The following NRG3 variants were observed in gnomAD, a reference collection of about 807,000 sequenced individuals.
The protein encoded by NRG3 is pro-neuregulin-3, membrane-bound isoform.
NRG3 carries 31 observed loss-of-function variants against 66.9 expected under a neutral mutation model. That is an observed-to-expected ratio of 0.46 (90% CI 0.35 to 0.63). The LOEUF is 0.63. NRG3 is among the 20% of genes least tolerant of loss of function. The pLI, the probability that NRG3 is intolerant of heterozygous loss-of-function variation, is 0.00. For synonymous variants in NRG3, 393 were observed against 359.4 expected (o/e 1.09, Z -1.06); for missense variants, 910 against 878.9 (o/e 1.04, Z -0.45).
At position 82,126,803 on chromosome 10, in the gene NRG3, A is replaced by G. The variant is rs114607161; in HGVS notation, c.824-231936A>G. 6.2e-3 allele frequency among the ~76,000 whole-genome samples: 945 copies of G among 152,114 alleles called. 9 individuals are homozygous for G. The highest frequency in any genetic ancestry group is 0.021 in the African/African-American group (864 of 41,526). On this transcript the variant is annotated intron_variant, in intron 1 of 8. Coordinates refer to ENST00000372141, the MANE Select transcript of NRG3 (RefSeq NM_001010848.4). ...CTGCAACCTGCGTAAGTTCTTTGCA[A>G]ATGATTGGTGTTATCATAAGTGCTA...
intron 2 of NRG3, among the ~76,000 whole-genome samples, chr10:82,393,018 C>T (rs970683391): frequency 7.0e-6 from 1 of 143,102 alleles, no homozygotes; most frequent in African/African-American, 2.9e-5. Context: ...AGGAGTAGCT[C>T]ACCTTTCTGC....
intron 1 of NRG3, among the ~76,000 whole-genome samples, chr10:82,168,434 G>T (rs541982415): frequency 6.6e-6 from 1 of 152,282 alleles, no homozygotes; most frequent in African/African-American, 2.4e-5. Flanking sequence ...TTCTACAGAT[G>T]TGAAATACAC....
At chr10:82,735,309 A>T (rs539762800) in intron 2 of NRG3, among the ~76,000 whole-genome samples, 1 of 152,182 alleles carries the variant, frequency 6.6e-6, no homozygotes, top group African/African-American at 2.4e-5. Flanking sequence ...ACTGGGGAAC[A>T]TTGAGATTTT....
chr10:82,433,498 G>T (rs2089951799), intron 2 of NRG3, among the ~76,000 whole-genome samples: 1 of 152,164 alleles, frequency 6.6e-6, no homozygotes, highest in South Asian at 2.1e-4. Context: ...TTTGGCTCTT[G>T]TTGCAATTGC....
chr10:81,934,772 T>A (rs1457227524), intron 1 of NRG3, among the ~76,000 whole-genome samples: 1 of 152,216 alleles, frequency 6.6e-6, no homozygotes. Context: ...CTTACATACC[T>A]TGTGTTCTAC....
At chr10:82,421,520 TG>T (rs1469167542) in intron 2 of NRG3, among the ~76,000 whole-genome samples, 3 of 152,138 alleles carry the variant, frequency 2.0e-5, no homozygotes, top group African/African-American at 4.8e-5. Flanking sequence ...AAGTCTATTA[TG>T]TAAGAGATCT....
chr10:82,160,156 A>C (rs1266252498), intron 1 of NRG3, among the ~76,000 whole-genome samples: 1 of 151,996 alleles, frequency 6.6e-6, no homozygotes, highest in Admixed American at 6.6e-5. Flanking sequence ...AATAATAAAA[A>C]GCAATCCATT....
intron 3 of NRG3, among the ~76,000 whole-genome samples, chr10:82,861,449 T>C (rs1564576773): frequency 6.6e-6 from 1 of 152,234 alleles, no homozygotes; most frequent in Non-Finnish European, 1.5e-5. Context: ...ATTCAGTGTT[T>C]GAATAATTTC....
intron 2 of NRG3, among the ~76,000 whole-genome samples, chr10:82,636,788 T>A (rs1395837526): frequency 6.6e-6 from 1 of 151,826 alleles, no homozygotes; most frequent in Non-Finnish European, 1.5e-5. Flanking sequence ...GGTCATATGG[T>A]AACTCTGTTT....
intron 2 of NRG3, among the ~76,000 whole-genome samples, chr10:82,500,451 G>T (rs1224247992): frequency 6.6e-6 from 1 of 152,112 alleles, no homozygotes; most frequent in African/African-American, 2.4e-5. Flanking sequence ...TTCTCTCCAT[G>T]TTAACTTCCA....
intron 1 of NRG3, among the ~76,000 whole-genome samples, chr10:82,349,381 G>A (rs1465421172): frequency 2.0e-5 from 3 of 151,482 alleles, no homozygotes; most frequent in African/African-American, 7.3e-5. Flanking sequence ...CTGCTCGGGG[G>A]TCAGGGGTCA....
At chr10:81,938,318 T>C (rs892074685) in intron 1 of NRG3, among the ~76,000 whole-genome samples, 4 of 151,918 alleles carry the variant, frequency 2.6e-5, no homozygotes, top group African/African-American at 7.2e-5. Context: ...TTGGGTAGTA[T>C]AGACATTTTA....
chr10:82,786,352 C>T (rs180984348), intron 3 of NRG3, among the ~76,000 whole-genome samples: 217 of 152,284 alleles, frequency 1.4e-3, no homozygotes, highest in African/African-American at 4.9e-3. Context: ...GAGCTCAACA[C>T]AGATTATTGT....
At chr10:82,578,589 G>A (rs2046173753) in intron 2 of NRG3, among the ~76,000 whole-genome samples, 1 of 151,604 alleles carries the variant, frequency 6.6e-6, no homozygotes, top group Admixed American at 6.6e-5. Flanking sequence ...TGGAGGTTCT[G>A]AGAATTTAAA....
intron 2 of NRG3, among the ~76,000 whole-genome samples, chr10:82,515,817 C>G (rs1845595543): frequency 6.6e-6 from 1 of 152,136 alleles, no homozygotes; most frequent in African/African-American, 2.4e-5. Context: ...ATAGTATCCC[C>G]ATTCAGGGCC....
At chr10:82,783,127 A>G (rs1221616554) in intron 3 of NRG3, among the ~76,000 whole-genome samples, 1 of 152,176 alleles carries the variant, frequency 6.6e-6, no homozygotes, top group Non-Finnish European at 1.5e-5. Flanking sequence ...CTCAATAGAT[A>G]CAGAAAAGGC....
intron 2 of NRG3, among the ~76,000 whole-genome samples, chr10:82,374,353 C>T (rs1359252800): frequency 1.3e-5 from 2 of 152,186 alleles, no homozygotes; most frequent in African/African-American, 2.4e-5. Context: ...GAGGTCTGAT[C>T]GCCAGTCTCA....
intron 3 of NRG3, among the ~76,000 whole-genome samples, chr10:82,804,062 T>A (rs1408503891): frequency 1.3e-5 from 2 of 152,140 alleles, no homozygotes; most frequent in African/African-American, 2.4e-5. Context: ...AGTAGCTGTT[T>A]CACTTATCAG....
At position 82,590,582 on chromosome 10, in the gene NRG3, C is replaced by G. The variant is rs190801838; in HGVS notation, c.954-147995C>G. 2.0e-4 allele frequency among the ~76,000 whole-genome samples: 30 copies of G among 152,268 alleles called. No homozygotes were observed. The East Asian group carries it at 5.4e-3, about 27-fold the overall frequency. On this transcript the variant is annotated intron_variant, in intron 2 of 8. Transcript: ENST00000372141. Reference sequence around the variant, plus strand: ...CTCAGTCCCCCTGCTCCCCACAGACCTACTGAACCAGTTTAACACATTACC... The same window carrying G: ...CTCAGTCCCCCTGCTCCCCACAGACGTACTGAACCAGTTTAACACATTACC...
Sources: gnomAD v4.1 joint callset for allele counts (sites outside exome capture counted in the v4.1 genomes callset) on GRCh38, gnomAD v4.1.1 for gene constraint, MANE v1.5 for transcripts, NCBI Gene and HGNC (gene_info 2026-07-23, HGNC 2026-07-21) for gene names.